The following LRRC28 variants were observed in gnomAD, a reference collection of about 807,000 sequenced individuals.
The protein encoded by LRRC28 is leucine-rich repeat-containing protein 28.
Under a neutral mutation model 45.7 loss-of-function variants are expected in LRRC28, and 39 were observed. That is an observed-to-expected ratio of 0.85 (90% CI 0.66 to 1.12). The LOEUF is 1.12. LRRC28 is among the 50% of genes most tolerant of loss of function. The pLI is 0.00. For missense variants in LRRC28, 435 were observed against 438.5 expected (o/e 0.99, Z 0.07); for synonymous variants, 206 against 178.8 (o/e 1.15, Z -1.22).
At chr15:99,326,843 T>C (rs1955995165) in intron 5 of LRRC28, among the ~76,000 whole-genome samples, 1 of 152,220 alleles carries the variant, frequency 6.6e-6, no homozygotes, top group Non-Finnish European at 1.5e-5. Flanking sequence ...GGGATATTGG[T>C]CTGTAGATTT....
At chr15:99,336,289 G>A (rs1349641748) in intron 6 of LRRC28, among the ~76,000 whole-genome samples, 2 of 152,134 alleles carry the variant, frequency 1.3e-5, no homozygotes, top group Non-Finnish European at 2.9e-5. Flanking sequence ...TATAGATAAG[G>A]AAATTGAGGC....
At chr15:99,366,583 G>C (rs1384988562) in intron 9 of LRRC28, among the ~76,000 whole-genome samples, 1 of 152,130 alleles carries the variant, frequency 6.6e-6, no homozygotes, top group Non-Finnish European at 1.5e-5. Flanking sequence ...TTCCTAGCTT[G>C]CAGGCAACCA....
intron 5 of LRRC28, among the ~76,000 whole-genome samples, chr15:99,315,305 A>G (rs62023807): frequency 0.14 from 21,679 of 152,072 alleles, 1,569 homozygotes; most frequent in Non-Finnish European, 0.16. Flanking sequence ...TGCTGTTTAG[A>G]TAGTGTCATT....
At chr15:99,299,462 C>T (rs932179100) in intron 5 of LRRC28, among the ~76,000 whole-genome samples, 3 of 151,794 alleles carry the variant, frequency 2.0e-5, no homozygotes, top group Non-Finnish European at 4.4e-5. Context: ...ATATAGATAC[C>T]AAAATAAGTG....
chr15:99,309,281 A>G (rs1955308928), intron 5 of LRRC28, among the ~76,000 whole-genome samples: 2 of 152,232 alleles, frequency 1.3e-5, no homozygotes, highest in South Asian at 4.1e-4. Flanking sequence ...CCTGGGTTCA[A>G]AAAACAGAGT....
At chr15:99,327,940 C>T (rs1343061603) in intron 5 of LRRC28, among the ~76,000 whole-genome samples, 2 of 152,100 alleles carry the variant, frequency 1.3e-5, no homozygotes, top group African/African-American at 4.8e-5. Context: ...AAAATATTTT[C>T]AAAGTTTCCT....
intron 7 of LRRC28, 187 bp from the exon 8 acceptor site, chr15:99,361,149 T>G: frequency 3.4e-5 from 20 of 584,086 alleles, no homozygotes; most frequent in East Asian, 3.2e-5. Context: ...TTCCAACTGA[T>G]GAGTTTAGAT....
At chr15:99,307,764 C>G (rs2048304) in intron 5 of LRRC28, among the ~76,000 whole-genome samples, 14,741 of 152,140 alleles carry the variant, frequency 0.097, 1,023 homozygotes, top group East Asian at 0.33. Context: ...AGTTTTAAAG[C>G]GAAACTAAAG....
intron 5 of LRRC28, among the ~76,000 whole-genome samples, chr15:99,316,429 C>T (rs1021600683): frequency 2.0e-5 from 3 of 151,996 alleles, no homozygotes; most frequent in Non-Finnish European, 4.4e-5. Context: ...AACCACTTGC[C>T]TCTAATAAGG....
chr15:99,316,144 A>T (rs923418867), intron 5 of LRRC28, among the ~76,000 whole-genome samples: 1 of 152,204 alleles, frequency 6.6e-6, no homozygotes, highest in Non-Finnish European at 1.5e-5. Flanking sequence ...CCTTTTATAA[A>T]GTTTGTTGTA....
intron 9 of LRRC28, among the ~76,000 whole-genome samples, chr15:99,368,018 A>G (rs750069396): frequency 6.6e-6 from 1 of 152,166 alleles, no homozygotes; most frequent in African/African-American, 2.4e-5. Flanking sequence ...ATGATACTCT[A>G]ATCACTTAGG....
intron 1 of LRRC28, among the ~76,000 whole-genome samples, chr15:99,253,507 G>A (rs1033354946): frequency 2.0e-5 from 3 of 152,226 alleles, no homozygotes; most frequent in African/African-American, 7.2e-5. Context: ...GCTGTTAGGG[G>A]TTTAGTAGCT....
At chr15:99,374,998 C>G (rs991802065) in intron 9 of LRRC28, among the ~76,000 whole-genome samples, 4 of 152,146 alleles carry the variant, frequency 2.6e-5, no homozygotes, top group Admixed American at 2.6e-4. Flanking sequence ...GGAAAACACT[C>G]AGTGTTTCAC....
chr15:99,360,571 C>T (rs191952349), intron 7 of LRRC28, among the ~76,000 whole-genome samples: 21 of 152,316 alleles, frequency 1.4e-4, no homozygotes, highest in Admixed American at 1.4e-3. Flanking sequence ...CCCTAAGCTT[C>T]ATTGCTTGTA....
intron 3 of LRRC28, among the ~76,000 whole-genome samples, chr15:99,279,999 A>G (rs2081738045): frequency 6.6e-6 from 1 of 152,116 alleles, no homozygotes; most frequent in African/African-American, 2.4e-5. Flanking sequence ...TATTTTAGTC[A>G]TTTGGATAGA....
chr15:99,265,781 C>G (rs2081316788), intron 2 of LRRC28, among the ~76,000 whole-genome samples: 1 of 152,144 alleles, frequency 6.6e-6, no homozygotes. Flanking sequence ...GGCTTAACCT[C>G]TTTGGACCTC....
chr15:99,333,950 C>T lies in LRRC28; in HGVS notation c.413C>T (p.Thr138Ile). 1 of 1,614,132 alleles carries T rather than the reference C, an allele frequency of 6.2e-7. No homozygotes were observed. Among genetic ancestry groups the T allele is most frequent in the Non-Finnish European group, 8.5e-7 (1 of 1,180,004 alleles). Reference protein sequence around the residue: ...PEVGDLKELQTLDISTNRLLT... With the variant: ...PEVGDLKELQILDISTNRLLT... ...GTTGGCGATTTGAAGGAGCTGCAGA[C>T]ACTAGACATTTCTACCAATCGTTTG... Residue 138 changes from threonine (T) to isoleucine (I), a missense_variant, in exon 6 of 10, where the codon ACA (threonine) becomes ATA (isoleucine). Thr to Ile is a moderately conservative substitution (Grantham distance 89, BLOSUM62 -1). Coordinates refer to ENST00000301981, the MANE Select transcript of LRRC28 (RefSeq NM_144598.5).
At position 99,389,484 on chromosome 15, in the gene LRRC28, A is replaced by T. The variant is rs1201255124; in HGVS notation, c.*3382A>T. ...TCTTTGCTATAAAGTACTTAAACAC[A>T]ATACATTGCCTCAGCATAAATAAAA... On this transcript the variant is annotated 3_prime_UTR_variant, in exon 10 of 10. Coordinates refer to ENST00000301981, the MANE Select transcript of LRRC28 (RefSeq NM_144598.5). The T allele has an allele frequency of 2.6e-5, 4 of 152,228 alleles. No homozygotes were observed. In the East Asian group the frequency reaches 7.7e-4, roughly 29 times the overall value. The allele number at this position is 152,228 out of a possible 1,614,324, so 9.4% of individuals were successfully genotyped here. A position where few individuals can be genotyped will look rare whatever the true frequency, so the allele number is the denominator to read the frequency against.
At chr15:99,310,530 A>G (rs1423534186) in intron 5 of LRRC28, among the ~76,000 whole-genome samples, 1 of 152,228 alleles carries the variant, frequency 6.6e-6, no homozygotes, top group African/African-American at 2.4e-5. Context: ...ACCCAGTGTG[A>G]TGAAATTGGA....
Sources: allele counts gnomAD v4.1 joint callset (sites outside exome capture counted in the v4.1 genomes callset), GRCh38; gene constraint gnomAD v4.1.1; transcripts MANE v1.5; gene names NCBI Gene and HGNC (gene_info 2026-07-23, HGNC 2026-07-21).